Variants in SYCP2 observed in about 807,000 individuals in gnomAD.
The protein encoded by SYCP2 is synaptonemal complex protein 2.
Under a neutral mutation model 211.3 loss-of-function variants are expected in SYCP2, and 55 were observed. That is an observed-to-expected ratio of 0.26 (90% CI 0.21 to 0.33). The LOEUF (loss-of-function observed/expected upper bound fraction) is 0.33. SYCP2 is among the 10% of genes least tolerant of loss of function. The probability of loss-of-function intolerance (pLI) is 1.00; values close to 1 mark genes in which losing one functional copy is unlikely to be tolerated. For missense variants in SYCP2, 1,731 were observed against 1,752.0 expected, an observed-to-expected ratio of 0.99 and a Z score of 0.21; for synonymous variants, 570 against 555.2, an observed-to-expected ratio of 1.03 and a Z score of -0.37.
At position 59,885,939 on chromosome 20, in the gene SYCP2, G is replaced by C. The variant is rs777467708; in HGVS notation, c.2518C>G (p.Gln840Glu). The C allele has an allele frequency of 1.9e-6, 3 of 1,599,738 alleles. No individual in the cohort carries two copies. Among genetic ancestry groups the C allele is most frequent in the Non-Finnish European group, 8.5e-7 (1 of 1,174,406 alleles). The change falls in exon 26 of 45, where the codon CAA becomes GAA. Residue 840 changes from glutamine (Q) to glutamate (E), a missense_variant. Gln to Glu is a conservative substitution (Grantham distance 29). Transcript: ENST00000357552. ...TAAATAACACCTACCTTACTGAGTT[G>C]TACAACAGGTTTGTTTGAAAAACCA... The part of the protein sequence containing the change: ...NSGFSNKPVV[Q>E]LSKEKVQKKS...
At chr20:59,892,498 T>C in intron 23 of SYCP2, 70 bp downstream of exon 23, 1 of 1,518,202 alleles carries the variant, frequency 6.6e-7, no homozygotes, top group Middle Eastern at 1.8e-4. Context: ...GTTAAATTTG[T>C]TTTAATACTT....
At chr20:59,891,003 A>G (rs2059896335) in intron 24 of SYCP2, among the ~76,000 whole-genome samples, 2 of 151,952 alleles carry the variant, frequency 1.3e-5, no homozygotes, top group Admixed American at 1.3e-4. Flanking sequence ...TAGGCACAAA[A>G]AGTGAGCTGC....
At chr20:59,912,594 T>C (rs778352711) in intron 12 of SYCP2, among the ~76,000 whole-genome samples, 176 bp from the exon 13 acceptor site, 25 of 152,234 alleles carry the variant, frequency 1.6e-4, no homozygotes, top group Non-Finnish European at 1.2e-4. Context: ...TGGACATTTA[T>C]GTAGAGAAAA....
intron 1 of SYCP2, among the ~76,000 whole-genome samples, chr20:59,933,073 A>C (rs1159143638): frequency 2.0e-5 from 3 of 151,012 alleles, no homozygotes; most frequent in Non-Finnish European, 4.4e-5. Context: ...CGCAGCGCCA[A>C]CCCCCCTTCA....
Position 59,892,233 on chromosome 20 carries a change from A to G in SYCP2, c.2121T>C (p.Asn707=), listed in dbSNP as rs1434184901. ...QNHPKYSGQK[N]TENAKQSDWP... is the part of the protein sequence containing the mutation. ...AATCACTCTGCTTGGCATTTTCAGT[A>G]TTTTTCTGCCCTGAATATTTAGGAT... Residue 707 remains asparagine (N), a synonymous_variant, in exon 24 of 45, where the codon AAT becomes AAC. Coordinates refer to ENST00000357552, the MANE Select transcript of SYCP2 (RefSeq NM_014258.4). 1.9e-6 allele frequency: 3 copies of G among 1,612,416 alleles called. No homozygotes were observed. The highest frequency in any genetic ancestry group is 2.5e-6 in the Non-Finnish European group (3 of 1,179,154).
At chr20:59,873,134 A>G (rs917895348) in intron 35 of SYCP2, among the ~76,000 whole-genome samples, 4 of 152,056 alleles carry the variant, frequency 2.6e-5, no homozygotes, top group Non-Finnish European at 4.4e-5. Context: ...AATTTCATGG[A>G]AAGATGATTC....
chr20:59,903,481 G>C (rs927290863), intron 15 of SYCP2, among the ~76,000 whole-genome samples: 1 of 152,046 alleles, frequency 6.6e-6, no homozygotes, highest in Non-Finnish European at 1.5e-5. Context: ...TTGATATACT[G>C]AGAGAAAAGA....
At chr20:59,930,766 T>C (rs528366540) in intron 2 of SYCP2, among the ~76,000 whole-genome samples, 2 of 152,330 alleles carry the variant, frequency 1.3e-5, no homozygotes, top group African/African-American at 2.4e-5. Context: ...TCCGGTGTTA[T>C]TAAAATTTTT....
intron 12 of SYCP2, 76 bp from the exon 13 acceptor site, chr20:59,912,494 C>A (rs2060350542): frequency 3.7e-6 from 2 of 536,118 alleles, no homozygotes; most frequent in Non-Finnish European, 6.5e-6. Flanking sequence ...AGAAATCATG[C>A]CTAGAATCAA....
intron 35 of SYCP2, 84 bp downstream of exon 35, chr20:59,873,772 G>A: frequency 8.4e-7 from 1 of 1,188,072 alleles, no homozygotes; most frequent in Non-Finnish European, 1.2e-6. Flanking sequence ...GACAAGCAAT[G>A]TGTATCTGAT....
rs1442423505 is a variant in SYCP2 at position 59,932,144 on chromosome 20, T to C, written c.-129A>G. 6.6e-6 allele frequency: 1 copy of C among 152,008 alleles called. No homozygotes were observed. Among genetic ancestry groups the C allele is most frequent in the Non-Finnish European group, 1.5e-5 (1 of 68,000 alleles). 9.4% of individuals were successfully genotyped at this position (152,008 alleles called of 1,614,324 possible). ...GCAACACAGAGAACTAGTAAGATGA[T>C]GATTGTGTATCTGCAGGCAGATAAA... is the stretch of plus-strand genomic sequence containing the variant. On this transcript the variant is annotated 5_prime_UTR_variant, in exon 2 of 45. Coordinates refer to ENST00000357552, the MANE Select transcript of SYCP2 (RefSeq NM_014258.4).
chr20:59,868,065 G>T (rs945585921), intron 38 of SYCP2, among the ~76,000 whole-genome samples: 1 of 151,708 alleles, frequency 6.6e-6, no homozygotes, highest in South Asian at 2.1e-4. Flanking sequence ...TATTACAGCA[G>T]AAATGACTAC....
intron 20 of SYCP2, 87 bp from the exon 21 acceptor site, chr20:59,893,680 A>G (rs1386755741): frequency 3.4e-6 from 3 of 880,032 alleles, no homozygotes; most frequent in Non-Finnish European, 5.1e-6. Context: ...AGTCTTTTAA[A>G]ACAAATCTGC....
rs956755960 is a variant in SYCP2, at chr20:59,894,265, T to G, written c.1666-672A>C. On this transcript the variant is annotated intron_variant, in intron 20 of 44. Coordinates refer to ENST00000357552, the MANE Select transcript of SYCP2 (RefSeq NM_014258.4). ...CTAGGAGGGGAACATTATGGAAATA[T>G]GCAGGTGTGGTTTGGGTTGTCACAA... Among the ~76,000 whole-genome samples the G allele has an allele frequency of 2.0e-5, 3 of 152,020 alleles. 1 individual carries two copies. Among genetic ancestry groups the G allele is most frequent in the African/African-American group, 7.2e-5 (3 of 41,416 alleles).
At chr20:59,930,544 A>T (rs1335496681) in intron 2 of SYCP2, among the ~76,000 whole-genome samples, 1 of 152,206 alleles carries the variant, frequency 6.6e-6, no homozygotes, top group Non-Finnish European at 1.5e-5. Context: ...TAGAAATACT[A>T]GCAAATTAGT....
At chr20:59,912,067 C>A in intron 13 of SYCP2, 1 of 404,676 alleles carries the variant, frequency 2.5e-6, no homozygotes, top group Non-Finnish European at 4.4e-6. Context: ...TATGAATATT[C>A]CAAGTGCTAA....
Position 59,892,392 on chromosome 20 carries a change from T to C in SYCP2, c.1962A>G (p.Lys654=), listed in dbSNP as rs771592401. The C allele has an allele frequency of 1.3e-6, 2 of 1,556,646 alleles. No homozygotes were observed. Among genetic ancestry groups the C allele is most frequent in the African/African-American group, 2.8e-5 (2 of 72,552 alleles). ...TATGATCAGATATTGAAGAGGATGA[T>C]TTTTGTTTAGTAAGTTTTTTATTTA... ...IVINKKLTKQ[K]SSSSISDHNS... is the part of the protein sequence containing the mutation. Residue 654 remains lysine, a synonymous_variant, in exon 24 of 45, where the codon AAA becomes AAG. Coordinates refer to ENST00000357552, the MANE Select transcript of SYCP2 (RefSeq NM_014258.4).
chr20:59,893,729 A>G (rs1243480123), intron 20 of SYCP2, 136 bp from the exon 21 acceptor site: 1 of 551,118 alleles, frequency 1.8e-6, no homozygotes, highest in Non-Finnish European at 3.1e-6. Context: ...TATATATTTC[A>G]TAAACGTTAT....
intron 2 of SYCP2, among the ~76,000 whole-genome samples, chr20:59,927,200 A>G (rs1348778317): frequency 1.3e-5 from 2 of 152,138 alleles, no homozygotes; most frequent in East Asian, 3.8e-4. Flanking sequence ...CAGAAGCACA[A>G]AAAAAGGATT....
Sources: allele counts gnomAD v4.1 joint callset (sites outside exome capture counted in the v4.1 genomes callset), GRCh38; gene constraint gnomAD v4.1.1; transcripts MANE v1.5; gene names NCBI Gene and HGNC (gene_info 2026-07-23, HGNC 2026-07-21).